E2F3: variants seen among roughly 807,000 people sequenced by gnomAD.
The protein encoded by E2F3 is transcription factor E2F3.
A neutral mutation model predicts 44.4 loss-of-function variants in E2F3; 11 were observed. That is an observed-to-expected ratio of 0.25 (90% CI 0.16 to 0.41). E2F3 has a LOEUF of 0.41. E2F3 is among the 10% of genes least tolerant of loss of function. E2F3 has a pLI of 1.00. For missense variants in E2F3, 487 were observed against 583.6 expected (o/e 0.83, Z 1.70); for synonymous variants, 249 against 253.0 (o/e 0.98, Z 0.15).
Position 20,482,938 on chromosome 6 carries a change from A to G in E2F3, c.884+18A>G. The G allele has an allele frequency of 1.2e-6, 2 of 1,612,914 alleles. No individual in the cohort carries two copies. The highest frequency in any genetic ancestry group is 1.7e-6 in the Non-Finnish European group (2 of 1,179,168). The stretch of plus-strand genomic sequence containing the variant: ...AATCAAAGATATCCTTTGTGCCGCC[A>G]GTTCTCTGGGGGTTAGTGCTTCCTA... On this transcript the variant is annotated intron_variant, in intron 4 of 6. Transcript: ENST00000346618.
chr6:20,492,155 AAAAAAACACAC>A lies in E2F3; in HGVS notation c.*1733_*1743del, dbSNP rs1762570290. 1 of 224,734 alleles carries A rather than the reference AAAAAAACACAC, an allele frequency of 4.4e-6. No individual in the cohort carries two copies. The highest frequency in any genetic ancestry group is 8.9e-6 in the Non-Finnish European group (1 of 112,706). The allele number at this position is 224,734 out of a possible 1,614,324, so 13.9% of individuals were successfully genotyped here. A position where few individuals can be genotyped will look rare whatever the true frequency, so the allele number is the denominator to read the frequency against. On this transcript the variant is annotated 3_prime_UTR_variant, in exon 7 of 7. Coordinates refer to ENST00000346618, the MANE Select transcript of E2F3 (RefSeq NM_001949.5). ...AATTGAAAATATCCCTTAGGAAAAA[AAAAAAACACAC>A]AAAAAACCACAAGAGCCCCAGCCAG...
chr6:20,408,266 GAA>G (rs1422495517), intron 1 of E2F3, among the ~76,000 whole-genome samples: 2 of 152,166 alleles, frequency 1.3e-5, no homozygotes, highest in Admixed American at 6.5e-5. Context: ...CTTTCACAAA[GAA>G]AAGTTATACC....
Position 20,432,313 on chromosome 6 carries a change from G to A in E2F3, c.393+29688G>A, listed in dbSNP as rs147403318. 1.4e-4 allele frequency among the ~76,000 whole-genome samples: 22 copies of A among 152,346 alleles called. No individual in the cohort carries two copies. The East Asian group carries it at 3.9e-3, about 27-fold the overall frequency. ...GGTCTGTGAACATGGAGGCCATGGT[G>A]TTCGTTGGCCACCTCCTTTTAGATT... On this transcript the variant is annotated intron_variant, in intron 1 of 6. Coordinates refer to ENST00000346618, the MANE Select transcript of E2F3 (RefSeq NM_001949.5).
At chr6:20,445,187 A>G (rs940560501) in intron 1 of E2F3, 2 of 953,108 alleles carry the variant, frequency 2.1e-6, no homozygotes, top group African/African-American at 1.8e-5. Flanking sequence ...TACTACCAAC[A>G]TCATCTTCCT....
chr6:20,404,012 T>C (rs142385339), intron 1 of E2F3, among the ~76,000 whole-genome samples: 1,650 of 152,080 alleles, frequency 0.011, 41 homozygotes, highest in African/African-American at 0.038. Flanking sequence ...CGGCCTCCGG[T>C]TCTAGGAACC....
At chr6:20,481,159 A>T in intron 2 of E2F3, 47 bp from the exon 3 acceptor site, 1 of 1,567,518 alleles carries the variant, frequency 6.4e-7, no homozygotes, top group East Asian at 2.2e-5. Flanking sequence ...TCATTTCTTT[A>T]CCTTTCCCCC....
At chr6:20,481,101 C>A in intron 2 of E2F3, 105 bp from the exon 3 acceptor site, 2 of 1,032,268 alleles carry the variant, frequency 1.9e-6, no homozygotes, top group African/African-American at 1.6e-5. Context: ...GATACTAATA[C>A]TTTGGCTGCA....
At chr6:20,461,696 C>A (rs573422103) in intron 1 of E2F3, among the ~76,000 whole-genome samples, 25 of 152,160 alleles carry the variant, frequency 1.6e-4, no homozygotes, top group Non-Finnish European at 3.1e-4. Flanking sequence ...TTTTTACTCA[C>A]TACTATATTT....
chr6:20,478,468 T>G (rs1225025282), intron 1 of E2F3, among the ~76,000 whole-genome samples: 1 of 152,180 alleles, frequency 6.6e-6, no homozygotes, highest in East Asian at 1.9e-4. Flanking sequence ...TAGCTTCCGC[T>G]GATAAGTTAT....
Position 20,490,133 on chromosome 6 carries a change from C to G in E2F3, c.1136-35C>G, listed in dbSNP as rs1762513237. 3.3e-6 allele frequency: 5 copies of G among 1,536,308 alleles called. No homozygotes were observed. In the East Asian group the frequency reaches 1.2e-4, roughly 36 times the overall value. ...AGAAAAATTCATTTGATTTTTCTAA[C>G]TTATTTTTTGTTTCCATCAATGTTT... On this transcript the variant is annotated intron_variant, in intron 6 of 6. Coordinates refer to ENST00000346618, the MANE Select transcript of E2F3 (RefSeq NM_001949.5). The surrounding 1 kb of genome is among the most constrained non-coding windows in gnomAD (Gnocchi z 4.3).
At chr6:20,461,732 A>G (rs1761516916) in intron 1 of E2F3, among the ~76,000 whole-genome samples, 1 of 152,206 alleles carries the variant, frequency 6.6e-6, no homozygotes, top group Admixed American at 6.5e-5. Context: ...GTTGATAACT[A>G]TAGCCTGGTG....
chr6:20,449,876 G>C (rs1164886992), intron 1 of E2F3, among the ~76,000 whole-genome samples: 1 of 152,072 alleles, frequency 6.6e-6, no homozygotes, highest in Non-Finnish European at 1.5e-5. Flanking sequence ...GCAGTATATG[G>C]TTTTCCGTTC....
chr6:20,406,209 C>A (rs1759489940), intron 1 of E2F3, among the ~76,000 whole-genome samples: 1 of 152,166 alleles, frequency 6.6e-6, no homozygotes, highest in African/African-American at 2.4e-5. Flanking sequence ...TACTACCTTA[C>A]CAGCTGTAAA....
Position 20,402,137 on chromosome 6 carries a change from A to T in E2F3, c.-96A>T. On this transcript the variant is annotated 5_prime_UTR_variant, in exon 1 of 7. Coordinates refer to ENST00000346618, the MANE Select transcript of E2F3 (RefSeq NM_001949.5). The surrounding 1 kb of genome is among the most constrained non-coding windows in gnomAD (Gnocchi z 5.6). Reference sequence around the variant, plus strand: ...CGGAAGCGCCGGGCGGGGAGGAGAGAAGGAGGAGAGACTTGGAAACTCCGA... The same window carrying T: ...CGGAAGCGCCGGGCGGGGAGGAGAGTAGGAGGAGAGACTTGGAAACTCCGA... 1 of 1,445,430 alleles carries T rather than the reference A, an allele frequency of 6.9e-7. No homozygotes were observed. Among genetic ancestry groups the T allele is most frequent in the Non-Finnish European group, 9.0e-7 (1 of 1,106,814 alleles). The allele number at this position is 1,445,430 out of a possible 1,614,324, so 89.5% of individuals were successfully genotyped here.
chr6:20,408,033 G>A (rs1759547593), intron 1 of E2F3, among the ~76,000 whole-genome samples: 2 of 152,212 alleles, frequency 1.3e-5, no homozygotes, highest in African/African-American at 4.8e-5. Context: ...TACTAAGTAC[G>A]TGGTTTAATG....
intron 1 of E2F3, among the ~76,000 whole-genome samples, chr6:20,412,120 C>T (rs1368816700): frequency 6.6e-6 from 1 of 152,154 alleles, no homozygotes; most frequent in African/African-American, 2.4e-5. Flanking sequence ...GCAAGCAAGA[C>T]TAAACAGGCG....
At chr6:20,481,594 T>C (rs4134939) in intron 3 of E2F3, among the ~76,000 whole-genome samples, 169 bp downstream of exon 3, 115,747 of 152,014 alleles carry the variant, frequency 0.76, 44,489 homozygotes, top group Middle Eastern at 0.9. Context: ...GCCAGAAGTT[T>C]GAAGTCTCTT....
At chr6:20,480,663 G>A (rs1362084767) in intron 2 of E2F3, among the ~76,000 whole-genome samples, 2 of 152,216 alleles carry the variant, frequency 1.3e-5, no homozygotes, top group Admixed American at 6.5e-5. Context: ...AGATTTGGCA[G>A]AAGACTTTTC....
At chr6:20,473,656 C>A (rs1259519584) in intron 1 of E2F3, among the ~76,000 whole-genome samples, 1 of 152,160 alleles carries the variant, frequency 6.6e-6, no homozygotes, top group African/African-American at 2.4e-5. Context: ...GTATCTAGCA[C>A]CTCCCTTGAA....
Sources: allele counts gnomAD v4.1 joint callset (sites outside exome capture counted in the v4.1 genomes callset), GRCh38; gene constraint gnomAD v4.1.1; non-coding constraint Gnocchi (gnomAD v3.1); transcripts MANE v1.5; gene names NCBI Gene and HGNC (gene_info 2026-07-23, HGNC 2026-07-21).